Variants in FGF14 observed in about 807,000 individuals in gnomAD.
FGF14 encodes fibroblast growth factor 14.
FGF14 carries 5 observed loss-of-function variants against 25.5 expected under a neutral mutation model. The observed-to-expected ratio is 0.20, with a 90% CI of 0.10 to 0.41. FGF14 has a LOEUF of 0.41. Ranked by LOEUF, FGF14 falls within the 10% of genes least tolerant of loss-of-function variation. FGF14 has a pLI of 1.00. For missense variants in FGF14, 222 were observed against 320.1 expected (o/e 0.69, Z 2.34); for synonymous variants, 138 against 118.3 (o/e 1.17, Z -1.08).
intron 1 of FGF14, among the ~76,000 whole-genome samples, chr13:102,073,633 C>T (rs1041372313): frequency 1.4e-5 from 2 of 143,096 alleles, no homozygotes; most frequent in Non-Finnish European, 3.1e-5. Context: ...ATCAGTGACT[C>T]ATTCATTCCT....
chr13:101,925,434 G>T (rs1215335176), intron 1 of FGF14, among the ~76,000 whole-genome samples: 1 of 152,136 alleles, frequency 6.6e-6, no homozygotes, highest in African/African-American at 2.4e-5. Flanking sequence ...GGTTCTGCAG[G>T]CTCTAATCTC....
chr13:102,382,471 T>G (rs1437334367), intron 1 of FGF14, among the ~76,000 whole-genome samples: 1 of 152,122 alleles, frequency 6.6e-6, no homozygotes, highest in Non-Finnish European at 1.5e-5. Flanking sequence ...AAACAGATCA[T>G]AACAAGTGTT....
chr13:102,019,517 C>A (rs2040522338), intron 1 of FGF14, among the ~76,000 whole-genome samples: 1 of 152,136 alleles, frequency 6.6e-6, no homozygotes, highest in Non-Finnish European at 1.5e-5. Flanking sequence ...GGCTGATGTT[C>A]CCACCTCTCC....
At chr13:101,752,928 C>T (rs1314509989) in intron 3 of FGF14, among the ~76,000 whole-genome samples, 3 of 152,118 alleles carry the variant, frequency 2.0e-5, no homozygotes, top group Non-Finnish European at 4.4e-5. Flanking sequence ...ACCAGGGGCA[C>T]ATAACCACAC....
chr13:101,781,483 T>TA (rs1374449180), intron 3 of FGF14, among the ~76,000 whole-genome samples: 2 of 152,208 alleles, frequency 1.3e-5, no homozygotes, highest in Non-Finnish European at 2.9e-5. Context: ...TTGCATTTTC[T>TA]AAAAAAGCAG....
intron 1 of FGF14, among the ~76,000 whole-genome samples, chr13:102,027,443 T>C (rs1434915029): frequency 1.3e-5 from 2 of 151,974 alleles, no homozygotes. Context: ...TTCTAATATA[T>C]ACTCTTTCTA....
chr13:102,094,595 G>GT (rs887150514), intron 1 of FGF14, among the ~76,000 whole-genome samples: 1 of 152,156 alleles, frequency 6.6e-6, no homozygotes, highest in Admixed American at 6.6e-5. Context: ...TACCCCTACT[G>GT]TTTTGCACAA....
intron 3 of FGF14, among the ~76,000 whole-genome samples, chr13:101,865,938 C>A (rs1054676116): frequency 3.3e-5 from 5 of 152,046 alleles, no homozygotes; most frequent in African/African-American, 1.2e-4. Flanking sequence ...TCTCCATTAA[C>A]TTCTTTCTTT....
intron 1 of FGF14, among the ~76,000 whole-genome samples, chr13:102,115,903 G>T (rs990319739): frequency 6.6e-6 from 1 of 152,080 alleles, no homozygotes; most frequent in Non-Finnish European, 1.5e-5. Flanking sequence ...CCTGAGGCCG[G>T]GAGTTCAAGA....
chr13:101,916,631 G>A lies in FGF14; in HGVS notation c.15C>T (p.Ile5=). 1 of 1,574,974 alleles carries A rather than the reference G, an allele frequency of 6.3e-7. No individual in the cohort carries two copies. Among genetic ancestry groups the A allele is most frequent in the Non-Finnish European group, 8.6e-7 (1 of 1,157,566 alleles). Residue 5 remains isoleucine (I), a synonymous_variant, in exon 1 of 5, where the codon ATC becomes ATT. Coordinates refer to ENST00000376143, the MANE Select transcript of FGF14 (RefSeq NM_004115.4). ...GCTTCTGGCGGATCAAGCCGCTAGCGATGGCCGCGGCCATGGTGGCCCCGG... is the reference window on the plus strand; with the variant it reads ...GCTTCTGGCGGATCAAGCCGCTAGCAATGGCCGCGGCCATGGTGGCCCCGG... MAAA[I]ASGLIRQKRQ...
intron 3 of FGF14, among the ~76,000 whole-genome samples, chr13:101,745,017 CAAA>C (rs2036796307): frequency 6.6e-6 from 1 of 151,948 alleles, no homozygotes; most frequent in Non-Finnish European, 1.5e-5. Flanking sequence ...GCAGAAATGA[CAAA>C]GAATCATATG....
intron 3 of FGF14, among the ~76,000 whole-genome samples, chr13:101,811,941 C>G (rs2041533265): frequency 1.3e-5 from 2 of 152,044 alleles, no homozygotes; most frequent in South Asian, 4.1e-4. Flanking sequence ...TTTTGTAAAG[C>G]TTAAATTACA....
At chr13:102,238,541 TTAAGATGTATTTTATGAACACAGTTTA>T (rs1341592193) in intron 1 of FGF14, among the ~76,000 whole-genome samples, 1 of 152,224 alleles carries the variant, frequency 6.6e-6, no homozygotes, top group Non-Finnish European at 1.5e-5. Context: ...ACTTCCCTCT[TTAAGATGTATTTTATGAACACAGTTTA>T]TAATAATGTA....
intron 1 of FGF14, among the ~76,000 whole-genome samples, chr13:102,167,563 T>C (rs993351484): frequency 2.6e-5 from 4 of 152,126 alleles, no homozygotes; most frequent in Non-Finnish European, 4.4e-5. Context: ...ATAGGAAGTA[T>C]AGGAGTTCTA....
chr13:101,921,436 T>A (rs1002141170), upstream of FGF14, among the ~76,000 whole-genome samples: 2 of 152,220 alleles, frequency 1.3e-5, no homozygotes, highest in Admixed American at 6.5e-5. Context: ...ACTTCTGAAA[T>A]GGCAACTTCA....
At chr13:101,825,331 A>C (rs140852208) in intron 3 of FGF14, among the ~76,000 whole-genome samples, 18 of 152,338 alleles carry the variant, frequency 1.2e-4, no homozygotes, top group Non-Finnish European at 2.1e-4. Context: ...CACATCTGGC[A>C]TCAGAAGTAA....
chr13:101,850,408 C>G (rs1332646297), intron 3 of FGF14, among the ~76,000 whole-genome samples: 2 of 131,568 alleles, frequency 1.5e-5, no homozygotes, highest in Non-Finnish European at 3.2e-5. Flanking sequence ...GAGCTGAGAT[C>G]GTGCCACTAC....
intron 3 of FGF14, chr13:101,802,266 A>C: frequency 4.2e-6 from 1 of 236,788 alleles, no homozygotes; most frequent in Non-Finnish European, 8.5e-6. Context: ...TGACAGGACA[A>C]AGCAGACTGA....
chr13:101,952,413 C>CTTT (rs35081290), intron 1 of FGF14, among the ~76,000 whole-genome samples: 2 of 146,810 alleles, frequency 1.4e-5, no homozygotes, highest in East Asian at 2.0e-4. Flanking sequence ...TTTTTGGCTA[C>CTTT]TTTTTTTTTT....
Sources: allele counts gnomAD v4.1 joint callset (sites outside exome capture counted in the v4.1 genomes callset), GRCh38; gene constraint gnomAD v4.1.1; transcripts MANE v1.5; gene names NCBI Gene and HGNC (gene_info 2026-07-23, HGNC 2026-07-21).